NAALADL2: variants seen among roughly 807,000 people sequenced by gnomAD.
NAALADL2 encodes the protein inactive N-acetylated-alpha-linked acidic dipeptidase-like protein 2.
A neutral mutation model predicts 87.2 loss-of-function variants in NAALADL2; 76 were observed. The ratio of observed to expected loss-of-function variants is 0.87; its 90% CI spans 0.72 to 1.05. NAALADL2 has a LOEUF of 1.05. Among genes scored for constraint, NAALADL2 ranks in the 50% least tolerant of loss-of-function variants. NAALADL2 has a pLI of 0.00. For synonymous variants in NAALADL2, 354 were observed against 331.0 expected (o/e 1.07, Z -0.75); for missense variants, 1,089 against 945.8 (o/e 1.15, Z -1.99).
intron 10 of NAALADL2, among the ~76,000 whole-genome samples, chr3:175,605,810 A>G (rs1484994174): frequency 6.6e-6 from 1 of 152,090 alleles, no homozygotes; most frequent in African/African-American, 2.4e-5. Context: ...TGCTCCCTAT[A>G]TTAATATCTG....
In NAALADL2 at chr3:175,447,210, C is replaced by T. The variant is rs1581925944; in HGVS notation, c.1091-19C>T. 1 of 1,538,354 alleles carries T rather than the reference C, an allele frequency of 6.5e-7. No homozygotes were observed. Among genetic ancestry groups the T allele is most frequent in the African/African-American group, 1.4e-5 (1 of 72,120 alleles). On this transcript the variant is annotated intron_variant, in intron 5 of 13. Transcript: ENST00000454872. ...TTTCTGTTTACTAAGGATTATCTTC[C>T]TTTGTCTTTTGAATACAGATGAAAG... is the stretch of plus-strand genomic sequence containing the variant.
At chr3:175,510,104 GT>G (rs554206204) in intron 9 of NAALADL2, among the ~76,000 whole-genome samples, 3 of 150,306 alleles carry the variant, frequency 2.0e-5, no homozygotes, top group Non-Finnish European at 3.0e-5. Flanking sequence ...GCGGTGTTTG[GT>G]TTTTTTTTCT....
At chr3:175,460,720 C>T (rs763023314) in intron 6 of NAALADL2, among the ~76,000 whole-genome samples, 1 of 152,148 alleles carries the variant, frequency 6.6e-6, no homozygotes, top group Non-Finnish European at 1.5e-5. Context: ...AGAGTTGGTA[C>T]TCTGTTTGCC....
At chr3:175,242,076 G>T (rs191372136) in intron 3 of NAALADL2, among the ~76,000 whole-genome samples, 42 of 151,694 alleles carry the variant, frequency 2.8e-4, no homozygotes, top group African/African-American at 2.7e-4. Flanking sequence ...TGGCCAGGCT[G>T]GTCTTGAACT....
At chr3:175,519,848 T>C (rs1732381168) in intron 9 of NAALADL2, among the ~76,000 whole-genome samples, 1 of 152,246 alleles carries the variant, frequency 6.6e-6, no homozygotes, top group Non-Finnish European at 1.5e-5. Context: ...ATATCTTTTC[T>C]ATTATCTCTG....
intron 1 of NAALADL2, among the ~76,000 whole-genome samples, chr3:175,011,333 T>C (rs1459563819): frequency 6.6e-6 from 1 of 151,392 alleles, no homozygotes; most frequent in Non-Finnish European, 1.5e-5. Context: ...TAATTCTGAT[T>C]ATTCCAAGTT....
chr3:174,680,284 A>G (rs1358819207), intron 2 of NAALADL2, among the ~76,000 whole-genome samples: 4 of 152,288 alleles, frequency 2.6e-5, no homozygotes, highest in African/African-American at 9.6e-5. Flanking sequence ...TTGAAAGGAA[A>G]TATGTTTTAT....
intron 13 of NAALADL2, among the ~76,000 whole-genome samples, chr3:175,799,173 T>C (rs1037049678): frequency 6.6e-6 from 1 of 152,012 alleles, no homozygotes; most frequent in African/African-American, 2.4e-5. Context: ...TCTGGAAATA[T>C]GTTTGCCATT....
chr3:174,511,245 C>T (rs1243769995), intron 1 of NAALADL2, among the ~76,000 whole-genome samples: 1 of 151,786 alleles, frequency 6.6e-6, no homozygotes, highest in Non-Finnish European at 1.5e-5. Flanking sequence ...CTTGTTTTAT[C>T]AATTGCTGAG....
intron 3 of NAALADL2, among the ~76,000 whole-genome samples, chr3:174,787,615 A>ATG (rs1246888018): frequency 5.1e-5 from 6 of 117,584 alleles, no homozygotes; most frequent in African/African-American, 1.8e-4. Context: ...ATATATATAT[A>ATG]TATATAGTAG....
chr3:174,690,401 T>C (rs542196167), intron 2 of NAALADL2, among the ~76,000 whole-genome samples: 3 of 152,218 alleles, frequency 2.0e-5, no homozygotes, highest in Non-Finnish European at 2.9e-5. Flanking sequence ...TTTATCTGTC[T>C]GGATACATTG....
rs1159602995 is a variant in NAALADL2, at chr3:174,987,568, C to CAAAAAAAAAAAA, written c.44-109203_44-109192dup. Among the ~76,000 whole-genome samples the CAAAAAAAAAAAA allele has an allele frequency of 1.3e-3, 27 of 20,848 alleles. 3 individuals carry two copies. The highest frequency in any genetic ancestry group is 1.4e-3 in the African/African-American group (14 of 9,888). 13.7% of individuals were successfully genotyped at this position (20,848 alleles called of 152,430 possible). A position where few individuals can be genotyped will look rare whatever the true frequency, so the allele number is the denominator to read the frequency against. On this transcript the variant is annotated intron_variant, in intron 1 of 13. Coordinates refer to ENST00000454872, the MANE Select transcript of NAALADL2 (RefSeq NM_207015.3). ...TGGGCGACAGAGCGAGACTCCGTCT[C>CAAAAAAAAAAAA]AAAAAAAAAAAAAAAAAAAAAAAAA... is the stretch of plus-strand genomic sequence containing the variant.
At chr3:174,882,815 A>ATATATACACG (rs1560319837) in intron 1 of NAALADL2, among the ~76,000 whole-genome samples, 2 of 135,284 alleles carry the variant, frequency 1.5e-5, no homozygotes, top group African/African-American at 7.0e-5. Flanking sequence ...ATATGTGCAT[A>ATATATACACG]TGTGTATATA....
intron 2 of NAALADL2, among the ~76,000 whole-genome samples, chr3:174,593,994 G>T (rs1022064819): frequency 3.3e-5 from 5 of 152,090 alleles, no homozygotes; most frequent in Non-Finnish European, 7.4e-5. Flanking sequence ...CTGAGTTTTT[G>T]ATTTTCCTGT....
At chr3:175,207,718 C>T (rs763662507) in intron 2 of NAALADL2, among the ~76,000 whole-genome samples, 20 of 152,024 alleles carry the variant, frequency 1.3e-4, no homozygotes, top group Non-Finnish European at 2.5e-4. Context: ...ACACATTAAG[C>T]CGAGTAAAGC....
intron 1 of NAALADL2, among the ~76,000 whole-genome samples, chr3:174,980,855 T>C (rs936704407): frequency 1.3e-5 from 2 of 152,142 alleles, no homozygotes; most frequent in Non-Finnish European, 2.9e-5. Flanking sequence ...AAATTATTTA[T>C]TTGAACAGTT....
At chr3:175,037,661 C>T (rs1256238454) in intron 1 of NAALADL2, among the ~76,000 whole-genome samples, 1 of 152,150 alleles carries the variant, frequency 6.6e-6, no homozygotes, top group East Asian at 1.9e-4. Context: ...ACCTGGAGTT[C>T]TCTGTCTAAA....
intron 9 of NAALADL2, among the ~76,000 whole-genome samples, chr3:175,561,917 T>A (rs189478627): frequency 2.6e-3 from 399 of 152,330 alleles, no homozygotes; most frequent in Non-Finnish European, 4.3e-3. Flanking sequence ...ATGTGTTAAA[T>A]TTGAAGTAAT....
intron 1 of NAALADL2, among the ~76,000 whole-genome samples, chr3:174,913,066 A>G (rs144600131): frequency 6.6e-6 from 1 of 152,304 alleles, no homozygotes; most frequent in East Asian, 1.9e-4. Flanking sequence ...GCCTTTGGGC[A>G]TATTTTCACA....
Sources: allele counts gnomAD v4.1 joint callset (sites outside exome capture counted in the v4.1 genomes callset), GRCh38; gene constraint gnomAD v4.1.1; transcripts MANE v1.5; gene names NCBI Gene and HGNC (gene_info 2026-07-23, HGNC 2026-07-21).